Variants in PDGFC observed in about 807,000 individuals in gnomAD.
The protein encoded by PDGFC is platelet derived growth factor C, also known as platelet-derived growth factor C.
A neutral mutation model predicts 35.5 loss-of-function variants in PDGFC; 12 were observed. The ratio of observed to expected loss-of-function variants is 0.34; its 90% CI spans 0.22 to 0.55. The LOEUF (loss-of-function observed/expected upper bound fraction) is 0.55. PDGFC is among the 20% of genes least tolerant of loss of function. PDGFC has a pLI of 0.91. For synonymous variants in PDGFC, 159 were observed against 148.8 expected (o/e 1.07, Z -0.50); for missense variants, 322 against 412.4 (o/e 0.78, Z 1.90).
At chr4:156,914,009 T>TCCCTTTATTTTCAGTTCTTGAAAACA (rs1315663366) in intron 1 of PDGFC, among the ~76,000 whole-genome samples, 5 of 151,950 alleles carry the variant, frequency 3.3e-5, no homozygotes, top group Non-Finnish European at 7.4e-5. Flanking sequence ...AAAATTATGG[T>TCCCTTTATTTTCAGTTCTTGAAAACA]AGGTTATCCT....
chr4:156,767,023 G>A (rs553062520), intron 5 of PDGFC, among the ~76,000 whole-genome samples: 47 of 152,128 alleles, frequency 3.1e-4, no homozygotes, highest in Non-Finnish European at 6.0e-4. Flanking sequence ...TTTTGACTTG[G>A]TCTAATGTTA....
At chr4:156,810,425 C>A (rs1731901523) in intron 3 of PDGFC, among the ~76,000 whole-genome samples, 1 of 152,002 alleles carries the variant, frequency 6.6e-6, no homozygotes, top group South Asian at 2.1e-4. Context: ...TAACTTCAAT[C>A]ATACATGATA....
chr4:156,932,754 G>A (rs1156273260), intron 1 of PDGFC, among the ~76,000 whole-genome samples: 1 of 118,650 alleles, frequency 8.4e-6, no homozygotes, highest in East Asian at 2.9e-4. Flanking sequence ...TGTGGGGTGG[G>A]GGGAGGGGGG....
chr4:156,763,253 T>C, intron 5 of PDGFC, 47 bp from the exon 6 acceptor site: 1 of 898,490 alleles, frequency 1.1e-6, no homozygotes, highest in Non-Finnish European at 1.9e-6. Flanking sequence ...AACGAATGTC[T>C]ATGACTGGCT....
intron 1 of PDGFC, among the ~76,000 whole-genome samples, chr4:156,955,719 A>G (rs1047799106): frequency 2.0e-5 from 3 of 151,994 alleles, no homozygotes; most frequent in Non-Finnish European, 4.4e-5. Flanking sequence ...GGCTATAATC[A>G]TTACCCATCA....
At chr4:156,809,501 T>C (rs552284620) in intron 3 of PDGFC, among the ~76,000 whole-genome samples, 10 of 152,018 alleles carry the variant, frequency 6.6e-5, no homozygotes, top group Admixed American at 6.6e-5. Flanking sequence ...GGTGACTGAA[T>C]TGCATGATCA....
chr4:156,782,233 T>G (rs1731000655), intron 3 of PDGFC, among the ~76,000 whole-genome samples: 1 of 152,176 alleles, frequency 6.6e-6, no homozygotes, highest in Admixed American at 6.6e-5. Flanking sequence ...ACTTAAAAAA[T>G]AAGCATAATG....
chr4:156,930,171 G>T (rs1046648342), intron 1 of PDGFC, among the ~76,000 whole-genome samples: 18 of 152,184 alleles, frequency 1.2e-4, no homozygotes, highest in Non-Finnish European at 2.9e-5. Flanking sequence ...TAAGAAATCT[G>T]CATTTAAGAG....
intron 1 of PDGFC, among the ~76,000 whole-genome samples, chr4:156,852,534 G>A (rs570419839): frequency 3.9e-4 from 59 of 151,720 alleles, no homozygotes; most frequent in African/African-American, 1.3e-3. Flanking sequence ...TTTTATCTTC[G>A]CACTAGTGAT....
intron 3 of PDGFC, among the ~76,000 whole-genome samples, chr4:156,792,981 C>A (rs1731337225): frequency 6.6e-6 from 1 of 152,124 alleles, no homozygotes; most frequent in Non-Finnish European, 1.5e-5. Context: ...ACTAATTGAA[C>A]CTGAAATTCC....
chr4:156,860,733 A>G (rs1290822505), intron 1 of PDGFC, among the ~76,000 whole-genome samples: 1 of 152,156 alleles, frequency 6.6e-6, no homozygotes, highest in Non-Finnish European at 1.5e-5. Context: ...TTAAAATATG[A>G]AACTATTTAA....
chr4:156,936,280 A>C (rs1731679207), intron 1 of PDGFC, among the ~76,000 whole-genome samples: 1 of 152,206 alleles, frequency 6.6e-6, no homozygotes, highest in South Asian at 2.1e-4. Context: ...CAAACTTCAA[A>C]CCTTGACTGC....
intron 1 of PDGFC, among the ~76,000 whole-genome samples, chr4:156,904,356 C>A (rs1252711137): frequency 6.6e-6 from 1 of 152,034 alleles, no homozygotes; most frequent in East Asian, 1.9e-4. Flanking sequence ...TACTGTGCTT[C>A]TAACACTGTT....
At chr4:156,963,299 T>C (rs534931523) in intron 1 of PDGFC, among the ~76,000 whole-genome samples, 1 of 151,602 alleles carries the variant, frequency 6.6e-6, no homozygotes, top group Non-Finnish European at 1.5e-5. Flanking sequence ...AAGACCCCCA[T>C]CTCTAAAAAT....
chr4:156,893,586 C>A (rs1285638029), intron 1 of PDGFC, among the ~76,000 whole-genome samples: 4 of 151,778 alleles, frequency 2.6e-5, no homozygotes, highest in Non-Finnish European at 4.4e-5. Flanking sequence ...ATCCTCCTAC[C>A]TTGGCCTCCC....
intron 1 of PDGFC, among the ~76,000 whole-genome samples, chr4:156,889,969 C>T (rs1244870063): frequency 6.6e-6 from 1 of 152,108 alleles, no homozygotes; most frequent in Non-Finnish European, 1.5e-5. Context: ...ATTTGATTGA[C>T]TCATTGACGA....
intron 1 of PDGFC, among the ~76,000 whole-genome samples, chr4:156,878,857 G>C (rs1730177054): frequency 3.3e-5 from 5 of 152,138 alleles, no homozygotes; most frequent in Admixed American, 3.3e-4. Flanking sequence ...TAGAGTTTTA[G>C]AGAACAATGA....
chr4:156,958,590 A>C (rs1732266788), intron 1 of PDGFC, among the ~76,000 whole-genome samples: 1 of 152,100 alleles, frequency 6.6e-6, no homozygotes, highest in South Asian at 2.1e-4. Context: ...TTACAGAATG[A>C]ATAAATGTTA....
intron 1 of PDGFC, among the ~76,000 whole-genome samples, chr4:156,914,643 A>G (rs899548065): frequency 3.9e-5 from 6 of 152,174 alleles, no homozygotes; most frequent in Admixed American, 6.6e-5. Context: ...ATGTGTTGGT[A>G]GCCGAAAGCC....
Sources: gnomAD v4.1 joint callset for allele counts (sites outside exome capture counted in the v4.1 genomes callset) on GRCh38, gnomAD v4.1.1 for gene constraint, MANE v1.5 for transcripts, NCBI Gene and HGNC (gene_info 2026-07-23, HGNC 2026-07-21) for gene names.